MROH7: variants seen among roughly 807,000 people sequenced by gnomAD.
MROH7 encodes maestro heat like repeat family member 7.
A neutral mutation model predicts 129.2 loss-of-function variants in MROH7; 113 were observed. The observed-to-expected ratio is 0.87, with a 90% CI of 0.75 to 1.02. The LOEUF is 1.02. Among genes scored for constraint, MROH7 ranks in the 50% least tolerant of loss-of-function variants. MROH7 has a pLI of 0.00. For missense variants in MROH7, 1,601 were observed against 1,671.3 expected (o/e 0.96, Z 0.73); for synonymous variants, 655 against 667.9 (o/e 0.98, Z 0.30).
At chr1:54,679,537 G>T in intron 12 of MROH7, 98 bp downstream of exon 12, 1 of 1,343,018 alleles carries the variant, frequency 7.4e-7, no homozygotes, top group South Asian at 1.4e-5. Flanking sequence ...TGGGCAGGGT[G>T]GGGTATACCT....
chr1:54,664,242 A>C (rs773235172), intron 3 of MROH7, among the ~76,000 whole-genome samples: 2 of 152,222 alleles, frequency 1.3e-5, no homozygotes, highest in Non-Finnish European at 2.9e-5. Flanking sequence ...TCACCAAAAG[A>C]AAGTGAAGAG....
At chr1:54,647,247 C>A (rs576157838) in intron 1 of MROH7, among the ~76,000 whole-genome samples, 1 of 152,156 alleles carries the variant, frequency 6.6e-6, no homozygotes, top group Non-Finnish European at 1.5e-5. Context: ...TGTTTTCTTC[C>A]AAGAGTTTTA....
chr1:54,687,901 C>G (rs1390751631), intron 15 of MROH7, among the ~76,000 whole-genome samples: 3 of 143,514 alleles, frequency 2.1e-5, no homozygotes, highest in Non-Finnish European at 3.0e-5. Context: ...CAGGGTCTCA[C>G]TCTTTTGCCC....
rs764525005 is a variant in MROH7, at chr1:54,701,310, G to T, written c.3273G>T (p.Pro1091=). 1.9e-6 allele frequency: 3 copies of T among 1,592,964 alleles called. No individual in the cohort carries two copies. Among genetic ancestry groups the T allele is most frequent in the Admixed American group, 1.7e-5 (1 of 58,650 alleles). Residue 1091 remains proline (P), a synonymous_variant, in exon 19 of 24, where the codon CCG becomes CCT. Coordinates refer to ENST00000421030, the MANE Select transcript of MROH7 (RefSeq NM_001039464.4). ...VYVEMLQILL[P]HFSDAREVVR... ...TGGAGATGCTGCAGATCCTGCTGCCGCACTTCAGCGACGTGAGGACCTCAC... is the reference window on the plus strand; with the variant it reads ...TGGAGATGCTGCAGATCCTGCTGCCTCACTTCAGCGACGTGAGGACCTCAC...
At position 54,671,357 on chromosome 1, in the gene MROH7, G is replaced by C. The variant is rs567489621; in HGVS notation, c.1599+428G>C. 2.2e-4 allele frequency among the ~76,000 whole-genome samples: 34 copies of C among 152,340 alleles called. No individual in the cohort carries two copies. In the East Asian group the frequency reaches 5.4e-3, roughly 24 times the overall value. On this transcript the variant is annotated intron_variant, in intron 7 of 23. Transcript: ENST00000421030. ...AGAGCTTGCAGTGAGCCGAGATTGCGCCACTGCACTCCAGCCTGGGCGACA... is the reference window on the plus strand; with the variant it reads ...AGAGCTTGCAGTGAGCCGAGATTGCCCCACTGCACTCCAGCCTGGGCGACA...
intron 3 of MROH7, among the ~76,000 whole-genome samples, chr1:54,661,222 C>T (rs1644727585): frequency 6.6e-6 from 1 of 152,002 alleles, no homozygotes; most frequent in South Asian, 2.1e-4. Flanking sequence ...TAATTTTAAA[C>T]TTTTTAAAGA....
chr1:54,652,987 C>A lies in MROH7; in HGVS notation c.61C>A (p.Pro21Thr), dbSNP rs1315666449. The change falls in exon 3 of 24, where the codon CCC becomes ACC. Residue 21 changes from proline (P) to threonine (T), a missense_variant. Coordinates refer to ENST00000421030, the MANE Select transcript of MROH7 (RefSeq NM_001039464.4). ...FHEDPKMTPS[P>T]PSCGAPGLGS... ...TGAAGACCCAAAGATGACACCAAGT[C>A]CCCCCTCCTGTGGGGCCCCGGGATT... 1.2e-6 allele frequency: 2 copies of A among 1,613,446 alleles called. No homozygotes were observed. The highest frequency in any genetic ancestry group is 8.5e-7 in the Non-Finnish European group (1 of 1,179,702).
rs1436768365 is a variant in MROH7, at chr1:54,671,026, G to C, written c.1599+97G>C. ...TCCGGCTCATTGGTCTGTGGCCTTG[G>C]GCAATTCAACTGACTTCTGTTGGTC... On this transcript the variant is annotated intron_variant, in intron 7 of 23. Transcript: ENST00000421030. 3.6e-6 allele frequency: 5 copies of C among 1,381,348 alleles called. No individual in the cohort carries two copies. The African/African-American group carries it at 7.2e-5, about 20-fold the overall frequency. 85.6% of individuals were successfully genotyped at this position (1,381,348 alleles called of 1,614,324 possible). A position where few individuals can be genotyped will look rare whatever the true frequency, so the allele number is the denominator to read the frequency against.
intron 23 of MROH7, among the ~76,000 whole-genome samples, chr1:54,709,325 TCTC>T (rs1486705230): frequency 6.6e-6 from 1 of 152,204 alleles, no homozygotes; most frequent in East Asian, 1.9e-4. Flanking sequence ...TTCAAGCGAT[TCTC>T]CTGCTTCAGC....
intron 21 of MROH7, 58 bp downstream of exon 21, chr1:54,702,803 C>A: frequency 6.5e-7 from 1 of 1,535,304 alleles, no homozygotes; most frequent in South Asian, 1.2e-5. Flanking sequence ...GTGGCGAATT[C>A]TGTGTCTCTC....
intron 14 of MROH7, among the ~76,000 whole-genome samples, chr1:54,685,868 G>T (rs554690442): frequency 3.9e-5 from 6 of 152,290 alleles, no homozygotes; most frequent in African/African-American, 1.4e-4. Flanking sequence ...CTGGGTTCAA[G>T]TTCCAGCTCT....
intron 13 of MROH7, among the ~76,000 whole-genome samples, chr1:54,682,369 T>C (rs779595694): frequency 3.9e-5 from 6 of 152,034 alleles, no homozygotes; most frequent in African/African-American, 7.2e-5. Context: ...GGTTTCACCA[T>C]ATTGGCCAGG....
At chr1:54,669,263 A>G (rs978179945) in intron 5 of MROH7, among the ~76,000 whole-genome samples, 2 of 152,168 alleles carry the variant, frequency 1.3e-5, no homozygotes, top group African/African-American at 4.8e-5. Flanking sequence ...TTATTACTTA[A>G]TACATTCTTT....
intron 7 of MROH7, among the ~76,000 whole-genome samples, 159 bp from the exon 8 acceptor site, chr1:54,672,931 TG>T (rs1644923474): frequency 6.6e-6 from 1 of 152,114 alleles, no homozygotes; most frequent in Non-Finnish European, 1.5e-5. Flanking sequence ...GGAAGTAATT[TG>T]CCCAACATTA....
intron 17 of MROH7, chr1:54,699,444 G>A (rs1645396133): frequency 6.6e-6 from 1 of 152,050 alleles, no homozygotes; most frequent in African/African-American, 2.4e-5. Flanking sequence ...GCTGGGGCGT[G>A]TGCCACCGTG....
rs367613701 is a variant in MROH7 at position 54,657,668 on chromosome 1, A to C, written c.1231+3511A>C. On this transcript the variant is annotated intron_variant, in intron 3 of 23. Transcript: ENST00000421030. ...TGGGATTTCAGGCATAATCCACTAC[A>C]CCTGGCCCTATCTTAACCTTTTTTT... Among the ~76,000 whole-genome samples the C allele has an allele frequency of 1.1e-3, 163 of 148,132 alleles. 1 individual carries two copies. Among genetic ancestry groups the C allele is most frequent in the Middle Eastern group, 3.6e-3 (1 of 280 alleles).
At chr1:54,667,772 TAA>T (rs36015308) in intron 4 of MROH7, among the ~76,000 whole-genome samples, 5 of 145,120 alleles carry the variant, frequency 3.4e-5, no homozygotes, top group Non-Finnish European at 3.1e-5. Flanking sequence ...ATTTACAAAG[TAA>T]AAAAAAAAAA....
At chr1:54,671,683 G>C (rs1409817360) in intron 7 of MROH7, among the ~76,000 whole-genome samples, 2 of 152,184 alleles carry the variant, frequency 1.3e-5, no homozygotes, top group Non-Finnish European at 2.9e-5. Context: ...AGGGTCAGTG[G>C]GGAAGGTTAA....
intron 16 of MROH7, 118 bp from the exon 17 acceptor site, chr1:54,695,258 C>T (rs896195969): frequency 1.9e-5 from 12 of 627,438 alleles, no homozygotes; most frequent in Admixed American, 5.7e-5. Context: ...ATCCTGGGAA[C>T]GCAGGAATCC....
Sources: allele counts gnomAD v4.1 joint callset (sites outside exome capture counted in the v4.1 genomes callset), GRCh38; gene constraint gnomAD v4.1.1; transcripts MANE v1.5; gene names NCBI Gene and HGNC (gene_info 2026-07-23, HGNC 2026-07-21).